GAB2: variants seen among roughly 807,000 people sequenced by gnomAD.
GAB2 encodes the protein GRB2 associated binding protein 2, also known as GRB2-associated-binding protein 2.
A neutral mutation model predicts 65.5 loss-of-function variants in GAB2; 26 were observed. The ratio of observed to expected loss-of-function variants is 0.40; its 90% CI spans 0.29 to 0.55. The LOEUF is 0.55. Ranked by LOEUF, GAB2 falls within the 20% of genes least tolerant of loss-of-function variation. The pLI, the probability that GAB2 is intolerant of heterozygous loss-of-function variation, is 0.53. For synonymous variants in GAB2, 321 were observed against 329.6 expected, an observed-to-expected ratio of 0.97 and a Z score of 0.28; for missense variants, 884 against 875.8, an observed-to-expected ratio of 1.01 and a Z score of -0.12.
chr11:78,398,915 C>G (rs1394767213), intron 1 of GAB2, among the ~76,000 whole-genome samples: 1 of 152,166 alleles, frequency 6.6e-6, no homozygotes, highest in Non-Finnish European at 1.5e-5. Flanking sequence ...GAAATCAACT[C>G]GAATAGGCTC....
chr11:78,368,414 A>T (rs1419314562), intron 1 of GAB2, among the ~76,000 whole-genome samples: 1 of 152,244 alleles, frequency 6.6e-6, no homozygotes. Flanking sequence ...TATGTAAATT[A>T]TCCTGGACAA....
rs1294894199 is a variant in GAB2 at position 78,253,032 on chromosome 11, A to G, written c.377-2632T>C. Among the ~76,000 whole-genome samples, 4 of 106,758 alleles carry G rather than the reference A, an allele frequency of 3.7e-5. No homozygotes were observed. The East Asian group carries it at 1.1e-3, about 29-fold the overall frequency. 70.0% of individuals were successfully genotyped at this position (106,758 alleles called of 152,430 possible). ...TTTTTTTTTTTTTTTTTTTTGTGAG[A>G]CAGAGTCTCGCTCTGTCATCCAGGC... On this transcript the variant is annotated intron_variant, in intron 2 of 9. Coordinates refer to ENST00000361507, the MANE Select transcript of GAB2 (RefSeq NM_080491.3).
At chr11:78,345,326 G>T (rs942801063) in intron 1 of GAB2, among the ~76,000 whole-genome samples, 9 of 152,042 alleles carry the variant, frequency 5.9e-5, no homozygotes, top group Non-Finnish European at 1.3e-4. Flanking sequence ...TATGAAGACT[G>T]GGCAAATAGA....
chr11:78,344,720 A>C (rs1244137846), intron 1 of GAB2, among the ~76,000 whole-genome samples: 1 of 152,208 alleles, frequency 6.6e-6, no homozygotes, highest in African/African-American at 2.4e-5. Flanking sequence ...AAAAAAAATT[A>C]ATTCCTTCAT....
At chr11:78,291,633 G>A (rs193154118) in intron 1 of GAB2, among the ~76,000 whole-genome samples, 24 of 127,096 alleles carry the variant, frequency 1.9e-4, no homozygotes, top group African/African-American at 4.5e-4. Context: ...GTGCAGTGGC[G>A]CAAACATGGC....
intron 1 of GAB2, among the ~76,000 whole-genome samples, chr11:78,341,285 C>T (rs561563708): frequency 3.9e-5 from 6 of 152,214 alleles, no homozygotes; most frequent in Non-Finnish European, 8.8e-5. Flanking sequence ...TGAGCAATTG[C>T]TATGCTCTAG....
chr11:78,314,733 C>A (rs934816411), intron 1 of GAB2, among the ~76,000 whole-genome samples: 3 of 152,174 alleles, frequency 2.0e-5, no homozygotes, highest in Admixed American at 6.5e-5. Flanking sequence ...GAAGGTAAGA[C>A]TATATTGCAT....
At chr11:78,292,977 G>C (rs1447398256) in intron 1 of GAB2, among the ~76,000 whole-genome samples, 4 of 152,204 alleles carry the variant, frequency 2.6e-5, no homozygotes, top group African/African-American at 9.6e-5. Flanking sequence ...TGTGGGTCCA[G>C]ACCCACAAAG....
chr11:78,385,389 T>C (rs1293805490), intron 1 of GAB2, among the ~76,000 whole-genome samples: 1 of 152,184 alleles, frequency 6.6e-6, no homozygotes, highest in Non-Finnish European at 1.5e-5. Flanking sequence ...ACTCTATAAA[T>C]GTCAACAATG....
At chr11:78,276,659 T>C (rs947470847) in intron 2 of GAB2, among the ~76,000 whole-genome samples, 15 of 152,242 alleles carry the variant, frequency 9.9e-5, no homozygotes, top group Admixed American at 3.3e-4. Context: ...CCCATAAGGT[T>C]TGCTGAATGA....
chr11:78,347,836 G>T (rs965003582), intron 1 of GAB2, among the ~76,000 whole-genome samples: 7 of 152,124 alleles, frequency 4.6e-5, no homozygotes, highest in Admixed American at 3.3e-4. Context: ...CACAAACTGG[G>T]AGAACATACA....
chr11:78,303,856 C>G (rs978750602), intron 1 of GAB2, among the ~76,000 whole-genome samples: 53 of 152,126 alleles, frequency 3.5e-4, no homozygotes, highest in Non-Finnish European at 4.1e-4. Context: ...TGAGCTGTTG[C>G]CAGTCCTCTG....
chr11:78,252,777 C>T (rs887431009), intron 2 of GAB2, among the ~76,000 whole-genome samples: 1 of 152,126 alleles, frequency 6.6e-6, no homozygotes, highest in Non-Finnish European at 1.5e-5. Flanking sequence ...CACCTCCCTT[C>T]AGACGTCCCA....
chr11:78,368,104 C>G (rs1455980476), intron 1 of GAB2, among the ~76,000 whole-genome samples: 10 of 152,212 alleles, frequency 6.6e-5, no homozygotes, highest in African/African-American at 2.4e-4. Flanking sequence ...GCGTGAGCCA[C>G]TGCGCCCGGC....
In GAB2 at chr11:78,329,000, T is replaced by C. The variant is rs538574770; in HGVS notation, c.76-48099A>G. ...ATGCTAAAGTATTTAGGGAGAAATA[T>C]GCTAATGTCTGCAATTTACTTTAAA... On this transcript the variant is annotated intron_variant, in intron 1 of 9. Transcript: ENST00000361507. Among the ~76,000 whole-genome samples the C allele has an allele frequency of 1.9e-3, 292 of 152,300 alleles. 1 individual carries two copies. Among genetic ancestry groups the C allele is most frequent in the African/African-American group, 6.9e-3 (285 of 41,568 alleles).
chr11:78,384,994 G>A (rs1856747667), intron 1 of GAB2, among the ~76,000 whole-genome samples: 1 of 152,160 alleles, frequency 6.6e-6, no homozygotes, highest in South Asian at 2.1e-4. Flanking sequence ...CTACAATGAT[G>A]TAATGCAGGA....
At chr11:78,244,330 T>G (rs1005768447) in intron 3 of GAB2, among the ~76,000 whole-genome samples, 1 of 151,658 alleles carries the variant, frequency 6.6e-6, no homozygotes, top group South Asian at 2.1e-4. Context: ...AGGCAGAAGT[T>G]GCAGTGAGCC....
intron 1 of GAB2, among the ~76,000 whole-genome samples, chr11:78,310,837 G>A (rs1855484826): frequency 6.6e-6 from 1 of 152,114 alleles, no homozygotes; most frequent in African/African-American, 2.4e-5. Context: ...TCACCCATCA[G>A]AAAGAGTACC....
intron 2 of GAB2, among the ~76,000 whole-genome samples, chr11:78,275,820 G>C (rs1344876199): frequency 1.3e-5 from 2 of 151,848 alleles, no homozygotes; most frequent in Non-Finnish European, 2.9e-5. Flanking sequence ...ATATATGAAT[G>C]AATATATTTC....
Sources: allele counts gnomAD v4.1 joint callset (sites outside exome capture counted in the v4.1 genomes callset), GRCh38; gene constraint gnomAD v4.1.1; transcripts MANE v1.5; gene names NCBI Gene and HGNC (gene_info 2026-07-23, HGNC 2026-07-21).